The following SERPINA11 variants were observed in gnomAD, a reference collection of about 807,000 sequenced individuals.
SERPINA11 encodes the protein serpin A11.
A neutral mutation model predicts 29.4 loss-of-function variants in SERPINA11; 28 were observed. The ratio of observed to expected loss-of-function variants is 0.95; its 90% confidence interval spans 0.70 to 1.30. The LOEUF is 1.30. Ranked by LOEUF, SERPINA11 falls within the 50% of genes most tolerant of loss-of-function variation. The pLI is 0.00. For missense variants in SERPINA11, 530 were observed against 507.3 expected (o/e 1.04, Z -0.43); for synonymous variants, 253 against 206.6 (o/e 1.22, Z -1.92).
intron 1 of SERPINA11, 32 bp downstream of exon 1, chr14:94,452,697 G>A (rs1441147593): frequency 6.6e-6 from 1 of 151,760 alleles, no homozygotes; most frequent in Non-Finnish European, 1.5e-5. Context: ...TTCTGCCCCT[G>A]CCCTCATTTT....
intron 1 of SERPINA11, 123 bp from the exon 2 acceptor site, chr14:94,448,900 G>T: frequency 1.2e-6 from 1 of 843,086 alleles, no homozygotes; most frequent in Non-Finnish European, 1.7e-6. Context: ...GGGCACTGAA[G>T]AAGACAAGGC....
At chr14:94,449,464 T>TC (rs1157962305) in intron 1 of SERPINA11, among the ~76,000 whole-genome samples, 3 of 119,408 alleles carry the variant, frequency 2.5e-5, no homozygotes, top group African/African-American at 9.0e-5. Flanking sequence ...TTTCTTTCTT[T>TC]CTTTCTTTCT....
At position 94,448,547 on chromosome 14, in the gene SERPINA11, C is replaced by G. The variant is rs147649377; in HGVS notation, c.228G>C (p.Ser76=). 1 of 1,613,930 alleles carries G rather than the reference C, an allele frequency of 6.2e-7. No homozygotes were observed. Among genetic ancestry groups the G allele is most frequent in the Non-Finnish European group, 8.5e-7 (1 of 1,180,030 alleles). Residue 76 remains serine, a synonymous_variant, in exon 2 of 5, where the codon TCG becomes TCC. Coordinates refer to ENST00000334708, the MANE Select transcript of SERPINA11 (RefSeq NM_001080451.2). The part of the protein sequence containing the change: ...AADAPGNIFF[S]PVSISTTLAL... ...CCAGGGTGGTGGAGATGCTCACTGGCGAGAAGAAGATGTTTCCGGGGGCGT... is the reference window on the plus strand; with the variant it reads ...CCAGGGTGGTGGAGATGCTCACTGGGGAGAAGAAGATGTTTCCGGGGGCGT...
Position 94,448,499 on chromosome 14 carries a change from T to C in SERPINA11, c.276A>G (p.Gln92=). ...CCAGGATCAGAGCTGAGGTGTTAGC[T>C]TGGGCCCCAAGAGAGAGCAGGGCCA... The part of the protein sequence containing the change: ...TTLALLSLGA[Q]ANTSALILEG... Residue 92 remains glutamine (Q), a synonymous_variant, in exon 2 of 5, where the codon CAA becomes CAG. Transcript: ENST00000334708. 1 of 1,614,180 alleles carries C rather than the reference T, an allele frequency of 6.2e-7. No homozygotes were observed. The highest frequency in any genetic ancestry group is 8.5e-7 in the Non-Finnish European group (1 of 1,180,032).
Position 94,442,636 on chromosome 14 carries a change from C to A in SERPINA11, c.1239G>T (p.Leu413=). The A allele has an allele frequency of 1.9e-6, 3 of 1,611,382 alleles. No homozygotes were observed. The highest frequency in any genetic ancestry group is 2.5e-6 in the Non-Finnish European group (3 of 1,178,788). Residue 413 remains leucine (L), a synonymous_variant, in exon 5 of 5, where the codon CTG becomes CTT. Transcript: ENST00000334708. ...WEVTTQSLLF[L]GKVVNPVAG is the part of the protein sequence containing the mutation. ...CTGCAACTGGGTTGACAACTTTTCC[C>A]AGGAAGAGTAAGCTCTGGGTGGTGA...
intron 2 of SERPINA11, 102 bp downstream of exon 2, chr14:94,448,021 TATTCATAGA>T (rs765421612): frequency 3.8e-6 from 4 of 1,065,806 alleles, no homozygotes; most frequent in Non-Finnish European, 5.5e-6. Flanking sequence ...AGCTCTATCT[TATTCATAGA>T]TTTCCCCAAG....
chr14:94,446,294 G>A, intron 3 of SERPINA11, 37 bp downstream of exon 3: 1 of 1,582,948 alleles, frequency 6.3e-7, no homozygotes, highest in Non-Finnish European at 8.6e-7. Context: ...GGGTTCTTGA[G>A]CAAGGTCAGC....
chr14:94,448,749 A>G lies in SERPINA11; in HGVS notation c.26T>C (p.Leu9Pro). 2 of 1,513,402 alleles carry G rather than the reference A, an allele frequency of 1.3e-6. No individual in the cohort carries two copies. The highest frequency in any genetic ancestry group is 1.4e-5 in the South Asian group (1 of 73,150). 93.7% of individuals were successfully genotyped at this position (1,513,402 alleles called of 1,614,324 possible). Reference protein sequence around the residue: MGPAWLWLLGTGILASVHC... With the variant: MGPAWLWLPGTGILASVHC... ...GACAGAGGCCAGGATCCCTGTTCCC[A>G]GTAGCCAAAGCCAAGCTGGACCCAT... Residue 9 changes from leucine (L) to proline (P), a missense_variant, in exon 2 of 5, where the codon CTG becomes CCG. Coordinates refer to ENST00000334708, the MANE Select transcript of SERPINA11 (RefSeq NM_001080451.2).
chr14:94,444,624 C>T (rs576382563), intron 3 of SERPINA11, among the ~76,000 whole-genome samples: 1 of 152,270 alleles, frequency 6.6e-6, no homozygotes, highest in South Asian at 2.1e-4. Context: ...GCTTCATGGA[C>T]AACAGGAATA....
Position 94,448,578 on chromosome 14 carries a change from G to T in SERPINA11, c.197C>A (p.Ala66Glu). The T allele has an allele frequency of 6.2e-7, 1 of 1,614,144 alleles. No homozygotes were observed. The change falls in exon 2 of 5, where the codon GCA (alanine) becomes GAA (glutamate). Residue 66 changes from alanine (A) to glutamate (E), a missense_variant. By Grantham distance (107) the Ala-to-Glu change is moderately radical. Transcript: ENST00000334708. ...NFALRLYKEL[A>E]ADAPGNIFFS... ...GAAGATGTTTCCGGGGGCGTCTGCT[G>T]CCAGCTCTTTATACAAACGCAAAGC...
At chr14:94,452,364 G>A (rs545343632) in intron 1 of SERPINA11, among the ~76,000 whole-genome samples, 1 of 152,284 alleles carries the variant, frequency 6.6e-6, no homozygotes, top group African/African-American at 2.4e-5. Context: ...CCTTTTCACA[G>A]GACAGCTTCT....
At position 94,443,239 on chromosome 14, in the gene SERPINA11, CA is replaced by C. The variant is rs1469961388; in HGVS notation, c.918-15del. 6.2e-7 allele frequency: 1 copy of C among 1,609,066 alleles called. No homozygotes were observed. The highest frequency in any genetic ancestry group is 8.5e-7 in the Non-Finnish European group (1 of 1,177,670). ...AAATCCAACAGACTGGAGAGAGAAA[CA>C]GACAGAGAAATGGTGCTCTCTTGTT... is the stretch of plus-strand genomic sequence containing the variant. On this transcript the variant is annotated splice_polypyrimidine_tract_variant and intron_variant, in intron 3 of 4. Transcript: ENST00000334708.
Position 94,449,234 on chromosome 14 carries a change from G to A in SERPINA11, c.-3-457C>T, listed in dbSNP as rs185650438. On this transcript the variant is annotated intron_variant, in intron 1 of 4. Coordinates refer to ENST00000334708, the MANE Select transcript of SERPINA11 (RefSeq NM_001080451.2). ...GGTGTGGTGGCATGTTCCTGTAGTC[G>A]CTGAGGTGGGAGAATCGCTTGGGCC... Among the ~76,000 whole-genome samples, 62 of 152,082 alleles carry A rather than the reference G, an allele frequency of 4.1e-4. 1 individual carries two copies. The highest frequency in any genetic ancestry group is 1.3e-3 in the African/African-American group (54 of 41,482).
intron 2 of SERPINA11, among the ~76,000 whole-genome samples, chr14:94,447,831 A>G (rs1239971659): frequency 6.6e-6 from 1 of 151,732 alleles, no homozygotes; most frequent in Non-Finnish European, 1.5e-5. Context: ...GATACTACTC[A>G]CTCTCATGTC....
At chr14:94,445,175 C>T (rs982744307) in intron 3 of SERPINA11, among the ~76,000 whole-genome samples, 9 of 152,340 alleles carry the variant, frequency 5.9e-5, no homozygotes, top group Non-Finnish European at 1.0e-4. Context: ...TCAGTGGCTT[C>T]AGCTCCAGCT....
intron 1 of SERPINA11, among the ~76,000 whole-genome samples, chr14:94,452,276 G>A (rs1036798837): frequency 5.9e-5 from 9 of 152,296 alleles, no homozygotes; most frequent in Admixed American, 5.9e-4. Flanking sequence ...CACAGGGAAT[G>A]ACTGATGCAG....
At position 94,448,255 on chromosome 14, in the gene SERPINA11, C is replaced by T. The variant is rs1171235997; in HGVS notation, c.520G>A (p.Val174Ile). 1.2e-6 allele frequency: 2 copies of T among 1,614,130 alleles called. No individual in the cohort carries two copies. The highest frequency in any genetic ancestry group is 8.5e-7 in the Non-Finnish European group (1 of 1,180,058). ...FAFSANFTDS[V>I]TTGRQINDYL... ...TCATTAATCTGCCTCCCAGTTGTAA[C>T]AGAATCTGTGAAGTTGGCAGAAAAA... The change falls in exon 2 of 5, where the codon GTT (valine) becomes ATT (isoleucine). Residue 174 changes from valine (V) to isoleucine (I), a missense_variant. Transcript: ENST00000334708.
At chr14:94,451,952 G>A (rs538954175) in intron 1 of SERPINA11, among the ~76,000 whole-genome samples, 6 of 152,228 alleles carry the variant, frequency 3.9e-5, no homozygotes, top group African/African-American at 9.6e-5. Context: ...ACTTATTAAG[G>A]GTTTATGAAG....
Position 94,451,979 on chromosome 14 carries a change from G to A in SERPINA11, c.-4+750C>T, listed in dbSNP as rs1056443259. Among the ~76,000 whole-genome samples, 16 of 152,274 alleles carry A rather than the reference G, an allele frequency of 1.1e-4. No homozygotes were observed. The East Asian group carries it at 1.7e-3, about 17-fold the overall frequency. On this transcript the variant is annotated intron_variant, in intron 1 of 4. Coordinates refer to ENST00000334708, the MANE Select transcript of SERPINA11 (RefSeq NM_001080451.2). The stretch of plus-strand genomic sequence containing the variant: ...TTTATGAAGTGATAGGATATTACAT[G>A]CATTGTAACACTGGCTCCTGACAAA...
Sources: allele counts gnomAD v4.1 joint callset (sites outside exome capture counted in the v4.1 genomes callset), GRCh38; gene constraint gnomAD v4.1.1; transcripts MANE v1.5; gene names NCBI Gene and HGNC (gene_info 2026-07-23, HGNC 2026-07-21).